The following DENND1B variants were observed in gnomAD, a reference collection of about 807,000 sequenced individuals.
The protein encoded by DENND1B is DENN domain-containing protein 1B.
In DENND1B, 59 loss-of-function variants were observed where a neutral mutation model predicts 90.1. That is an observed-to-expected ratio of 0.65 (90% CI 0.53 to 0.81). The LOEUF (loss-of-function observed/expected upper bound fraction) is 0.81. DENND1B is among the 40% of genes least tolerant of loss of function. DENND1B has a pLI of 0.00. For synonymous variants in DENND1B, 337 were observed against 324.6 expected (o/e 1.04, Z -0.41); for missense variants, 862 against 912.6 (o/e 0.94, Z 0.71).
intron 20 of DENND1B, among the ~76,000 whole-genome samples, chr1:197,525,650 T>C (rs1184820602): frequency 6.6e-6 from 1 of 152,050 alleles, no homozygotes; most frequent in Non-Finnish European, 1.5e-5. Context: ...TTTCAAAAAA[T>C]ATACAGCTAA....
chr1:197,658,411 G>T, intron 5 of DENND1B, 42 bp from the exon 6 acceptor site: 1 of 1,317,790 alleles, frequency 7.6e-7, no homozygotes, highest in South Asian at 1.3e-5. Flanking sequence ...ATAAAATTCA[G>T]AATCAGAAAA....
intron 13 of DENND1B, among the ~76,000 whole-genome samples, chr1:197,595,655 G>A (rs951461896): frequency 1.3e-5 from 2 of 152,040 alleles, no homozygotes; most frequent in African/African-American, 2.4e-5. Flanking sequence ...ATTACAACAT[G>A]TGTCTACTTG....
intron 12 of DENND1B, among the ~76,000 whole-genome samples, chr1:197,611,562 T>A (rs887593301): frequency 2.7e-5 from 4 of 150,732 alleles, no homozygotes; most frequent in Admixed American, 6.6e-5. Flanking sequence ...TTTTACTTCA[T>A]GACTCATAAG....
At chr1:197,629,751 A>G (rs1006025502) in intron 10 of DENND1B, among the ~76,000 whole-genome samples, 4 of 151,994 alleles carry the variant, frequency 2.6e-5, no homozygotes, top group African/African-American at 9.7e-5. Context: ...TGTCAAGAAA[A>G]TTTAAAAAGC....
intron 10 of DENND1B, among the ~76,000 whole-genome samples, chr1:197,624,421 C>G (rs953401970): frequency 6.6e-6 from 1 of 151,466 alleles, no homozygotes; most frequent in Non-Finnish European, 1.5e-5. Flanking sequence ...AAAATTTACT[C>G]AAAATGAATC....
At chr1:197,636,228 G>A (rs1679779067) in intron 10 of DENND1B, among the ~76,000 whole-genome samples, 1 of 152,052 alleles carries the variant, frequency 6.6e-6, no homozygotes, top group African/African-American at 2.4e-5. Flanking sequence ...GAAGATAAGT[G>A]CTAGCCCTAA....
intron 2 of DENND1B, among the ~76,000 whole-genome samples, chr1:197,745,617 T>TATATATATATATATATATATATA (rs1663652655): frequency 3.0e-5 from 4 of 133,796 alleles, no homozygotes; most frequent in Non-Finnish European, 4.8e-5. Context: ...ATATATATAT[T>TATATATATATATATATATATATA]ATATATATAT....
chr1:197,586,077 G>T (rs1674667723), intron 14 of DENND1B, among the ~76,000 whole-genome samples: 1 of 152,222 alleles, frequency 6.6e-6, no homozygotes, highest in East Asian at 1.9e-4. Flanking sequence ...CTTTTCCACA[G>T]GATCTGTAAC....
intron 3 of DENND1B, among the ~76,000 whole-genome samples, chr1:197,707,656 A>G (rs1007358447): frequency 6.8e-6 from 1 of 146,716 alleles, no homozygotes; most frequent in African/African-American, 2.5e-5. Flanking sequence ...TACATATATT[A>G]TATACATATA....
intron 2 of DENND1B, among the ~76,000 whole-genome samples, chr1:197,761,610 G>A (rs963833733): frequency 2.2e-4 from 33 of 151,968 alleles, no homozygotes; most frequent in Non-Finnish European, 3.5e-4. Context: ...AACTACCCAC[G>A]TGATAAAATT....
chr1:197,582,364 G>C (rs574147169), intron 15 of DENND1B, among the ~76,000 whole-genome samples: 1 of 152,234 alleles, frequency 6.6e-6, no homozygotes. Context: ...GCATTACTGA[G>C]TTTTTATTCA....
At chr1:197,745,664 T>G (rs1663671439) in intron 2 of DENND1B, among the ~76,000 whole-genome samples, 1 of 148,136 alleles carries the variant, frequency 6.8e-6, no homozygotes, top group South Asian at 2.1e-4. Context: ...TAATGAAAAT[T>G]TTTAGAAGGT....
intron 13 of DENND1B, among the ~76,000 whole-genome samples, chr1:197,600,634 G>C (rs984798327): frequency 6.6e-6 from 1 of 151,642 alleles, no homozygotes; most frequent in Non-Finnish European, 1.5e-5. Context: ...GAGTATTCAG[G>C]TATTTCTGTT....
intron 15 of DENND1B, among the ~76,000 whole-genome samples, chr1:197,558,487 C>T (rs1173768159): frequency 6.6e-6 from 1 of 151,646 alleles, no homozygotes; most frequent in Non-Finnish European, 1.5e-5. Context: ...AGCTATGAGC[C>T]AGGAACCGTG....
intron 3 of DENND1B, among the ~76,000 whole-genome samples, chr1:197,697,801 A>G (rs1257731572): frequency 6.6e-6 from 1 of 151,890 alleles, no homozygotes; most frequent in South Asian, 2.1e-4. Context: ...TTAAACCAAC[A>G]AAGATCAAAA....
chr1:197,626,811 A>G (rs1319087546), intron 10 of DENND1B, among the ~76,000 whole-genome samples: 2 of 152,150 alleles, frequency 1.3e-5, no homozygotes, highest in Non-Finnish European at 2.9e-5. Flanking sequence ...AAGAGAGAAG[A>G]ATCAAATAGA....
At chr1:197,734,867 A>G (rs1662494449) in intron 2 of DENND1B, 1 of 985,182 alleles carries the variant, frequency 1.0e-6, no homozygotes, top group Admixed American at 6.1e-5. Context: ...AAAATAATCA[A>G]TGCTTATACA....
intron 2 of DENND1B, chr1:197,734,220 GAA>G (rs1662419647): frequency 4.5e-6 from 4 of 889,208 alleles, no homozygotes; most frequent in Admixed American, 6.2e-5. Context: ...ACTTAGAAAT[GAA>G]AAGAGTATAT....
intron 3 of DENND1B, among the ~76,000 whole-genome samples, chr1:197,714,635 A>T (rs1457408829): frequency 6.6e-6 from 1 of 152,140 alleles, no homozygotes; most frequent in Admixed American, 6.6e-5. Flanking sequence ...AGAACTGATC[A>T]CTTATTTATG....
Sources: allele counts gnomAD v4.1 joint callset (sites outside exome capture counted in the v4.1 genomes callset), GRCh38; gene constraint gnomAD v4.1.1; transcripts MANE v1.5; gene names NCBI Gene and HGNC (gene_info 2026-07-23, HGNC 2026-07-21).